The following EML6 variants were observed in gnomAD, a reference collection of about 807,000 sequenced individuals.
The protein encoded by EML6 is echinoderm microtubule-associated protein-like 6.
EML6 carries 154 observed loss-of-function variants against 240.1 expected under a neutral mutation model. That is an observed-to-expected ratio of 0.64 (90% CI 0.56 to 0.73). The LOEUF is 0.73. Among genes scored for constraint, EML6 ranks in the 30% least tolerant of loss-of-function variants. The pLI is 0.00. For missense variants in EML6, 2,964 were observed against 2,474.6 expected (o/e 1.20, Z -4.20); for synonymous variants, 1,148 against 899.0 (o/e 1.28, Z -4.95).
intron 2 of EML6, among the ~76,000 whole-genome samples, chr2:54,746,847 G>A (rs182596388): frequency 4.5e-4 from 68 of 152,270 alleles, no homozygotes; most frequent in African/African-American, 1.5e-3. Flanking sequence ...TAAATCAATG[G>A]AAATGTTAGA....
At chr2:54,862,238 C>G (rs1267052527) in intron 12 of EML6, among the ~76,000 whole-genome samples, 1 of 146,154 alleles carries the variant, frequency 6.8e-6, no homozygotes, top group East Asian at 2.1e-4. Context: ...ACAGGGGAGG[C>G]TGAGGCAGGA....
intron 14 of EML6, 178 bp from the exon 15 acceptor site, chr2:54,869,003 G>C: frequency 2.0e-6 from 1 of 511,366 alleles, no homozygotes; most frequent in Non-Finnish European, 3.5e-6. Context: ...CTTTTTGAGA[G>C]TCATCTCATG....
chr2:54,918,111 A>G (rs56141618), intron 26 of EML6, among the ~76,000 whole-genome samples: 6,916 of 152,300 alleles, frequency 0.045, 537 homozygotes, highest in African/African-American at 0.15. Context: ...AGATCTGAGT[A>G]CAGAACTTTA....
chr2:54,913,927 T>C lies in EML6; in HGVS notation c.3499-2832T>C, dbSNP rs191396815. On this transcript the variant is annotated intron_variant, in intron 25 of 41. Transcript: ENST00000356458. ...TATTTAACAGAGAGTCCTTTCCCCATTGCTTATTTTTGTTGACTGTGTCGA... is the reference window on the plus strand; with the variant it reads ...TATTTAACAGAGAGTCCTTTCCCCACTGCTTATTTTTGTTGACTGTGTCGA... Among the ~76,000 whole-genome samples, 86 of 152,306 alleles carry C rather than the reference T, an allele frequency of 5.6e-4. 1 individual carries two copies. The highest frequency in any genetic ancestry group is 4.9e-3 in the Admixed American group (75 of 15,298).
In EML6 at chr2:54,827,616, C is replaced by T. The variant is rs1187807402; in HGVS notation, c.576C>T (p.Gly192=). The T allele has an allele frequency of 3.2e-6, 5 of 1,551,530 alleles. No homozygotes were observed. The highest frequency in any genetic ancestry group is 2.4e-5 in the South Asian group (2 of 84,068). The change falls in exon 6 of 42, where the codon GGC becomes GGT. Residue 192 remains glycine, a synonymous_variant. Transcript: ENST00000356458. ...NALTAKRGIF[G]KTGDLQTILC... ...TGACTGCAAAAAGAGGGATATTTGG[C>T]AAAACAGGGGATCTTCAGACCATCC...
intron 8 of EML6, among the ~76,000 whole-genome samples, chr2:54,845,171 C>T (rs1475398598): frequency 6.6e-6 from 1 of 152,146 alleles, no homozygotes; most frequent in Non-Finnish European, 1.5e-5. Flanking sequence ...TCTGTTTTTT[C>T]CATCTCTACC....
At chr2:54,800,088 T>C (rs1187445370) in intron 2 of EML6, among the ~76,000 whole-genome samples, 3 of 152,064 alleles carry the variant, frequency 2.0e-5, no homozygotes, top group African/African-American at 7.2e-5. Context: ...CTACTAAAAT[T>C]ACAAAAATTA....
chr2:54,938,871 C>A (rs1304039591), intron 28 of EML6, among the ~76,000 whole-genome samples: 1 of 152,152 alleles, frequency 6.6e-6, no homozygotes, highest in Non-Finnish European at 1.5e-5. Flanking sequence ...TCCGTATTAT[C>A]TCATTTCTGT....
chr2:54,930,694 T>C (rs1674808198), intron 28 of EML6, among the ~76,000 whole-genome samples: 2 of 152,134 alleles, frequency 1.3e-5, no homozygotes, highest in African/African-American at 2.4e-5. Flanking sequence ...AGCAGCTTCC[T>C]AGGTAACTTT....
chr2:54,876,222 G>T (rs947851753), intron 16 of EML6, among the ~76,000 whole-genome samples: 1 of 152,136 alleles, frequency 6.6e-6, no homozygotes, highest in Non-Finnish European at 1.5e-5. Context: ...TAAGACCACG[G>T]CTTACAGGGA....
intron 16 of EML6, among the ~76,000 whole-genome samples, chr2:54,876,607 G>C (rs1251060009): frequency 6.6e-6 from 1 of 152,182 alleles, no homozygotes; most frequent in Non-Finnish European, 1.5e-5. Context: ...TAACTACACA[G>C]ATTTCAAAAG....
intron 25 of EML6, among the ~76,000 whole-genome samples, chr2:54,914,615 T>C (rs979704932): frequency 6.6e-6 from 1 of 152,210 alleles, no homozygotes; most frequent in Non-Finnish European, 1.5e-5. Flanking sequence ...CAGAGGCTGA[T>C]TCCTGATGAT....
intron 2 of EML6, among the ~76,000 whole-genome samples, chr2:54,744,905 T>TACACACACACACACACACACACAC (rs56324677): frequency 9.3e-6 from 1 of 107,238 alleles, no homozygotes; most frequent in African/African-American, 3.5e-5. Context: ...CACACACACG[T>TACACACACACACACACACACACAC]ACACACACAC....
intron 25 of EML6, 42 bp downstream of exon 25, chr2:54,911,084 G>C: frequency 1.0e-6 from 1 of 1,004,406 alleles, no homozygotes. Context: ...ATTTTGTGAA[G>C]ATTTAATATG....
At chr2:54,796,560 A>C (rs537885946) in intron 2 of EML6, among the ~76,000 whole-genome samples, 1 of 151,948 alleles carries the variant, frequency 6.6e-6, no homozygotes, top group East Asian at 1.9e-4. Context: ...ATCTTAAAGG[A>C]ACACTTAAAT....
At position 54,784,269 on chromosome 2, in the gene EML6, C is replaced by G. The variant is rs1276657248; in HGVS notation, c.198-28963C>G. On this transcript the variant is annotated intron_variant, in intron 2 of 41. Transcript: ENST00000356458. ...CCTGAACTGTTCTTTAATGTTAGAT[C>G]TTTATGAAGTTGTAAATTTTTAAAT... 2.0e-5 allele frequency among the ~76,000 whole-genome samples: 3 copies of G among 152,030 alleles called. No individual in the cohort carries two copies. The East Asian group carries it at 5.8e-4, about 29-fold the overall frequency.
At chr2:54,731,594 G>A (rs1268880860) in intron 2 of EML6, among the ~76,000 whole-genome samples, 2 of 147,572 alleles carry the variant, frequency 1.4e-5, no homozygotes, top group Non-Finnish European at 3.0e-5. Flanking sequence ...TCCAGCCTGG[G>A]TGACAGGGCA....
In EML6 at chr2:54,913,675, G is replaced by A. The variant is rs140896573; in HGVS notation, c.3498+2633G>A. Among the ~76,000 whole-genome samples the A allele has an allele frequency of 1.9e-3, 296 of 152,240 alleles. 3 individuals are homozygous for A. Among genetic ancestry groups the A allele is most frequent in the Non-Finnish European group, 6.0e-4 (41 of 68,004 alleles). On this transcript the variant is annotated intron_variant, in intron 25 of 41. Coordinates refer to ENST00000356458, the MANE Select transcript of EML6 (RefSeq NM_001039753.4). ...TAATTAAACTCATCAAGTCTCACTTGTCAATTTTTGTTTTTGTTACAATTG... is the reference window on the plus strand; with the variant it reads ...TAATTAAACTCATCAAGTCTCACTTATCAATTTTTGTTTTTGTTACAATTG...
chr2:54,948,714 G>T (rs1317453744), intron 28 of EML6, among the ~76,000 whole-genome samples, 168 bp from the exon 29 acceptor site: 1 of 152,186 alleles, frequency 6.6e-6, no homozygotes, highest in African/African-American at 2.4e-5. Flanking sequence ...GGGTCCCGTG[G>T]CAGGCGGGGA....
Sources: gnomAD v4.1 joint callset for allele counts (sites outside exome capture counted in the v4.1 genomes callset) on GRCh38, gnomAD v4.1.1 for gene constraint, MANE v1.5 for transcripts, NCBI Gene and HGNC (gene_info 2026-07-23, HGNC 2026-07-21) for gene names.